The following FRMPD3 variants were observed in gnomAD, a reference collection of about 807,000 sequenced individuals.
FRMPD3 encodes FERM and PDZ domain containing 3.
In FRMPD3, 42 loss-of-function variants were observed where a neutral mutation model predicts 97.9. The observed-to-expected ratio is 0.43, with a 90% confidence interval of 0.34 to 0.55. FRMPD3 has a LOEUF of 0.55. Among genes scored for constraint, FRMPD3 ranks in the 20% least tolerant of loss-of-function variants. The probability of loss-of-function intolerance (pLI) is 0.03; values close to 1 mark genes in which losing one functional copy is unlikely to be tolerated. For synonymous variants in FRMPD3, 577 were observed against 581.1 expected, an observed-to-expected ratio of 0.99 and a Z score of 0.10; for missense variants, 1,303 against 1,457.7, an observed-to-expected ratio of 0.89 and a Z score of 1.73.
Position 107,603,454 on chromosome X carries a change from G to T in FRMPD3, c.*81G>T. ...GTGGTCCTTGCATCTTGTGGTGAGT[G>T]TGTGTGTGTCTGCTGGGCCAGTCAG... On this transcript the variant is annotated 3_prime_UTR_variant, in exon 15 of 15. Transcript: ENST00000683843. 1 of 1,104,543 alleles carries T rather than the reference G, an allele frequency of 9.1e-7. No individual in the cohort carries two copies. The highest frequency in any genetic ancestry group is 1.8e-5 in the African/African-American group (1 of 54,055). The allele number at this position is 1,104,543 out of a possible 1,213,427, so 91.0% of individuals were successfully genotyped here. A position where few individuals can be genotyped will look rare whatever the true frequency, so the allele number is the denominator to read the frequency against.
At chrX:107,544,293 G>A (rs753791339) in intron 4 of FRMPD3, among the ~76,000 whole-genome samples, 1 of 111,291 alleles carries the variant, frequency 9.0e-6, no homozygotes, top group Non-Finnish European at 1.9e-5. Context: ...CAGTTAGACA[G>A]GAGGAATAAG....
At chrX:107,451,885 C>T (rs745328337) in intron 1 of FRMPD3, among the ~76,000 whole-genome samples, 148 of 111,111 alleles carry the variant, frequency 1.3e-3, no homozygotes, top group Non-Finnish European at 2.5e-3. Context: ...AAAATCGTGA[C>T]GGCGATGGCT....
At position 107,600,987 on chromosome X, in the gene FRMPD3, G is replaced by A. The variant is rs1924475690; in HGVS notation, c.2948G>A (p.Gly983Asp). Residue 983 changes from glycine to aspartate, a missense_variant, in exon 15 of 15, where the codon GGT becomes GAT. Around this residue, in one of 3 missense-constraint regions of FRMPD3, gnomAD observed 764 missense variants for 820.2 expected, o/e 0.93. Transcript: ENST00000683843. ...GCTTTGGGGAACCCCCCCAGCAGGGGTGAGAGAAGGCTGGAGGCCAGCATG... is the reference window on the plus strand; with the variant it reads ...GCTTTGGGGAACCCCCCCAGCAGGGATGAGAGAAGGCTGGAGGCCAGCATG... Reference protein sequence around the residue: ...GGALGNPPSRGERRLEASMGR... With the variant: ...GGALGNPPSRDERRLEASMGR... 3 of 1,207,889 alleles carry A rather than the reference G, an allele frequency of 2.5e-6. No individual in the cohort carries two copies. In the African/African-American group the frequency reaches 5.2e-5, roughly 21 times the overall value.
At chrX:107,575,743 G>A (rs748518532) in intron 12 of FRMPD3, among the ~76,000 whole-genome samples, 2 of 112,399 alleles carry the variant, frequency 1.8e-5, no homozygotes, top group Admixed American at 9.4e-5. Flanking sequence ...GAGCCACCGC[G>A]CCGGGCCGAG....
intron 1 of FRMPD3, among the ~76,000 whole-genome samples, chrX:107,524,578 C>T (rs1922619770): frequency 8.9e-6 from 1 of 112,323 alleles, no homozygotes; most frequent in African/African-American, 3.2e-5. Context: ...AATCTTTTCC[C>T]CTTCCCCTAT....
At chrX:107,592,573 A>G (rs944020358) in intron 13 of FRMPD3, among the ~76,000 whole-genome samples, 1 of 110,741 alleles carries the variant, frequency 9.0e-6, no homozygotes, top group Admixed American at 9.7e-5. Context: ...GCAGTTGTGA[A>G]TTGAATTGTG....
chrX:107,592,818 A>G (rs1217569832), intron 13 of FRMPD3, among the ~76,000 whole-genome samples: 14 of 75,724 alleles, frequency 1.8e-4, no homozygotes, highest in Admixed American at 1.8e-3. Context: ...TTTTTTTGAC[A>G]GAGTCTTGTT....
intron 1 of FRMPD3, among the ~76,000 whole-genome samples, chrX:107,480,514 T>A (rs1404041082): frequency 9.0e-6 from 1 of 110,779 alleles, no homozygotes; most frequent in Non-Finnish European, 1.9e-5. Context: ...TTGTGGTTTC[T>A]ATGTGTGAAT....
intron 1 of FRMPD3, among the ~76,000 whole-genome samples, chrX:107,491,480 C>G (rs1399101379): frequency 2.7e-5 from 3 of 112,295 alleles, no homozygotes; most frequent in Non-Finnish European, 5.6e-5. Context: ...ACCCCATGAC[C>G]TCACAGCTAG....
In FRMPD3 at chrX:107,603,817, G is replaced by A. The variant is rs757099597; in HGVS notation, c.*444G>A. ...AGTGGCAGTAGCAGCAGGCCACATT[G>A]CCGTGCCGAGGGGAGAGGGCGCTCA... On this transcript the variant is annotated 3_prime_UTR_variant, in exon 15 of 15. Transcript: ENST00000683843. 3.2e-5 allele frequency: 4 copies of A among 125,270 alleles called. No individual in the cohort carries two copies. In the South Asian group the frequency reaches 1.2e-3, roughly 37 times the overall value. 10.3% of individuals were successfully genotyped at this position (125,270 alleles called of 1,213,427 possible).
rs1488202612 is a variant in FRMPD3 at position 107,600,981 on chromosome X, G to A, written c.2942G>A (p.Ser981Asn). The A allele has an allele frequency of 8.3e-7, 1 of 1,208,104 alleles. No individual in the cohort carries two copies. Among genetic ancestry groups the A allele is most frequent in the Non-Finnish European group, 1.1e-6 (1 of 894,004 alleles). Reference protein sequence around the residue: ...TAGGALGNPPSRGERRLEASM... With the variant: ...TAGGALGNPPNRGERRLEASM... ...GGTGGGGCTTTGGGGAACCCCCCCA[G>A]CAGGGGTGAGAGAAGGCTGGAGGCC... Residue 981 changes from serine (S) to asparagine (N), a missense_variant, in exon 15 of 15, where the codon AGC becomes AAC. Ser to Asn is a conservative substitution (Grantham distance 46). Transcript: ENST00000683843.
intron 1 of FRMPD3, among the ~76,000 whole-genome samples, chrX:107,524,567 A>G (rs1922619519): frequency 8.9e-6 from 1 of 112,373 alleles, no homozygotes; most frequent in African/African-American, 3.2e-5. Context: ...CAATTATTCT[A>G]AATCTTTTCC....
At chrX:107,450,618 A>AGC (rs1175690487) in intron 1 of FRMPD3, among the ~76,000 whole-genome samples, 4 of 106,726 alleles carry the variant, frequency 3.7e-5, no homozygotes, top group Non-Finnish European at 7.7e-5. Context: ...AGAGAGAGAG[A>AGC]GCGCGAGCTA....
rs185771517 is a variant in FRMPD3 at position 107,515,367 on chromosome X, G to A, written c.-7-11215G>A. ...AGAAGCCAGGAGAGGAGAATGTTTC[G>A]GCAAGGATGAAGTGGCTAACTGTCT... On this transcript the variant is annotated intron_variant, in intron 1 of 14. Coordinates refer to ENST00000683843, the MANE Select transcript of FRMPD3 (RefSeq NM_001388459.1). 1.6e-4 allele frequency among the ~76,000 whole-genome samples: 18 copies of A among 111,474 alleles called. No homozygotes were observed. The South Asian group carries it at 6.1e-3, about 38-fold the overall frequency.
chrX:107,478,289 T>C (rs1921252873), intron 1 of FRMPD3, among the ~76,000 whole-genome samples: 1 of 112,113 alleles, frequency 8.9e-6, no homozygotes, highest in Admixed American at 9.5e-5. Flanking sequence ...CCATGTTGTG[T>C]CTCTATGATC....
chrX:107,495,058 T>G (rs764966575), intron 1 of FRMPD3, among the ~76,000 whole-genome samples: 2 of 112,919 alleles, frequency 1.8e-5, no homozygotes, highest in African/African-American at 6.4e-5. Context: ...AGCCTACTGC[T>G]GAATCGCTAC....
In FRMPD3 at chrX:107,560,850, C is replaced by A. The variant is rs1922332925; in HGVS notation, c.1023C>A (p.Thr341=). The A allele has an allele frequency of 1.7e-6, 2 of 1,191,794 alleles. No individual in the cohort carries two copies. Among genetic ancestry groups the A allele is most frequent in the East Asian group, 3.0e-5 (1 of 32,886 alleles). Residue 341 remains threonine, a synonymous_variant, in exon 10 of 15, where the codon ACC becomes ACA. Transcript: ENST00000683843. ...KAHQTHPSCG[T]KGSAIQAKLQ... is the part of the protein sequence containing the mutation. ...ACCAAACACATCCTTCCTGCGGCAC[C>A]AAGGTATCCAGAGTAGACCACTGGG... is the stretch of plus-strand genomic sequence containing the variant.
chrX:107,542,760 T>C (rs1212670508), intron 4 of FRMPD3, among the ~76,000 whole-genome samples: 2 of 112,195 alleles, frequency 1.8e-5, no homozygotes, highest in African/African-American at 6.5e-5. Flanking sequence ...AAATGGTAGA[T>C]AATAGCTTAA....
At chrX:107,564,796 A>G (rs1039403465) in intron 11 of FRMPD3, 91 bp from the exon 12 acceptor site, 121 of 941,330 alleles carry the variant, frequency 1.3e-4, no homozygotes, top group Admixed American at 6.1e-4. Flanking sequence ...AGAGAGTCCA[A>G]TGCATGTTTT....
Sources: allele counts gnomAD v4.1 joint callset (sites outside exome capture counted in the v4.1 genomes callset), GRCh38; gene constraint gnomAD v4.1.1; regional missense constraint gnomAD v4.1.1; transcripts MANE v1.5; gene names NCBI Gene and HGNC (gene_info 2026-07-23, HGNC 2026-07-21).